RNF144A: variants seen among roughly 807,000 people sequenced by gnomAD.
RNF144A encodes ring finger protein 144A, also known as E3 ubiquitin-protein ligase RNF144A.
RNF144A carries 11 observed loss-of-function variants against 38.7 expected under a neutral mutation model. The observed-to-expected ratio is 0.28, with a 90% CI of 0.18 to 0.47. RNF144A has a LOEUF of 0.47. RNF144A is among the 20% of genes least tolerant of loss of function. The pLI is 0.99. For synonymous variants in RNF144A, 149 were observed against 143.9 expected (o/e 1.04, Z -0.25); for missense variants, 316 against 377.2 (o/e 0.84, Z 1.34).
At position 6,943,334 on chromosome 2, in the gene RNF144A, C is replaced by T. The variant is rs1053440392; in HGVS notation, c.-12+2187C>T. Among the ~76,000 whole-genome samples the T allele has an allele frequency of 2.0e-5, 3 of 152,128 alleles. No individual in the cohort carries two copies. The highest frequency in any genetic ancestry group is 6.5e-5 in the Admixed American group (1 of 15,278). On this transcript the variant is annotated intron_variant, in intron 2 of 8. Coordinates refer to ENST00000320892, the MANE Select transcript of RNF144A (RefSeq NM_014746.6). The surrounding 1 kb of genome is among the most constrained non-coding windows in gnomAD (Gnocchi z 4.3). ...ATGGAGAGGACTGAGAATGGAGGCT[C>T]GGATCAGTGCCAGGACCAGTGGTCC...
intron 6 of RNF144A, among the ~76,000 whole-genome samples, chr2:7,059,953 A>G (rs1673888684): frequency 6.6e-6 from 1 of 152,252 alleles, no homozygotes; most frequent in Non-Finnish European, 1.5e-5. Flanking sequence ...CTGAACCCAC[A>G]TAAGGGCTTG....
At chr2:6,918,094 G>C (rs1373460087) in intron 1 of RNF144A, among the ~76,000 whole-genome samples, 1 of 152,112 alleles carries the variant, frequency 6.6e-6, no homozygotes, top group African/African-American at 2.4e-5. Flanking sequence ...CCCAAGAGGA[G>C]GTCTGGGAAA....
intron 6 of RNF144A, among the ~76,000 whole-genome samples, chr2:7,057,534 T>C (rs1199044028): frequency 6.6e-6 from 1 of 152,222 alleles, no homozygotes; most frequent in Non-Finnish European, 1.5e-5. Flanking sequence ...CTTCTCTGAT[T>C]CTCAAGTTTT....
At chr2:7,049,172 C>T (rs376572159), downstream of RNF144A, among the ~76,000 whole-genome samples, 5 of 152,012 alleles carry the variant, frequency 3.3e-5, no homozygotes, top group South Asian at 2.1e-4. Flanking sequence ...TAGTTTTCAG[C>T]GGGGGCTGTT....
At chr2:7,030,556 C>T (rs969435940) in intron 8 of RNF144A, among the ~76,000 whole-genome samples, 2 of 152,012 alleles carry the variant, frequency 1.3e-5, no homozygotes, top group African/African-American at 4.8e-5. Flanking sequence ...TAATCCTTGC[C>T]TAGCCCTTAA....
At chr2:7,033,357 C>T (rs1013003744) in intron 8 of RNF144A, among the ~76,000 whole-genome samples, 35 of 152,350 alleles carry the variant, frequency 2.3e-4, no homozygotes, top group Admixed American at 2.0e-3. Flanking sequence ...TCAGCTGGGG[C>T]TGGCAGTCAG....
At position 7,017,295 on chromosome 2, in the gene RNF144A, G is replaced by A. The variant is rs993020275; in HGVS notation, c.301+2523G>A. On this transcript the variant is annotated intron_variant, in intron 5 of 8. Transcript: ENST00000320892. Reference sequence around the variant, plus strand: ...TGAATGCTGATGTCAGATGTCAACCGTGTATTGTTTTTTTTTTTGTTCTTT... The same window carrying A: ...TGAATGCTGATGTCAGATGTCAACCATGTATTGTTTTTTTTTTTGTTCTTT... 9.6e-5 allele frequency among the ~76,000 whole-genome samples: 13 copies of A among 135,492 alleles called. 1 individual carries two copies. In the East Asian group the frequency reaches 2.2e-3, roughly 23 times the overall value. 88.9% of individuals were successfully genotyped at this position (135,492 alleles called of 152,430 possible). A position where few individuals can be genotyped will look rare whatever the true frequency, so the allele number is the denominator to read the frequency against.
At chr2:6,967,324 GT>G (rs1667730519) in intron 2 of RNF144A, among the ~76,000 whole-genome samples, 1 of 152,108 alleles carries the variant, frequency 6.6e-6, no homozygotes, top group Admixed American at 6.5e-5. Context: ...TACAGAAGAC[GT>G]AGTTCGTTTG....
chr2:6,957,283 C>T lies in RNF144A; in HGVS notation c.-12+16136C>T, dbSNP rs534621751. On this transcript the variant is annotated intron_variant, in intron 2 of 8. Transcript: ENST00000320892. ...CGCTACATGTGGGCTCTGAGCTCAGCGTAGAGGGCCTGGCATCTGCTCCGG... is the reference window on the plus strand; with the variant it reads ...CGCTACATGTGGGCTCTGAGCTCAGTGTAGAGGGCCTGGCATCTGCTCCGG... 1.9e-3 allele frequency among the ~76,000 whole-genome samples: 291 copies of T among 152,288 alleles called. 1 individual carries two copies. Among genetic ancestry groups the T allele is most frequent in the African/African-American group, 6.6e-3 (276 of 41,566 alleles).
chr2:7,053,214 C>T (rs1016008161), intron 6 of RNF144A, among the ~76,000 whole-genome samples: 17 of 152,172 alleles, frequency 1.1e-4, no homozygotes, highest in Non-Finnish European at 1.8e-4. Context: ...ATGAGCATTG[C>T]CTGAGAATTA....
chr2:7,003,797 T>C (rs1378225971), intron 3 of RNF144A, among the ~76,000 whole-genome samples: 2 of 152,248 alleles, frequency 1.3e-5, no homozygotes, highest in Non-Finnish European at 2.9e-5. Context: ...GTGGCCACTC[T>C]GGGCCTTCCT....
chr2:7,070,560 G>C (rs62107977), downstream of RNF144A, among the ~76,000 whole-genome samples: 41 of 152,136 alleles, frequency 2.7e-4, no homozygotes, highest in Non-Finnish European at 5.3e-4. Context: ...ACCTTATTTG[G>C]AAATAGAGAG....
chr2:6,996,713 A>T (rs571293539), intron 2 of RNF144A: 11 of 562,998 alleles, frequency 2.0e-5, no homozygotes, highest in Non-Finnish European at 3.5e-5. Flanking sequence ...AGATTGCACC[A>T]CTGTACTCCA....
At chr2:7,068,498 G>A (rs1674326555), downstream of RNF144A, among the ~76,000 whole-genome samples, 1 of 152,230 alleles carries the variant, frequency 6.6e-6, no homozygotes, top group African/African-American at 2.4e-5. Context: ...GAAGCAGAAA[G>A]AGAGGGTGAT....
In RNF144A at chr2:6,989,525, C is replaced by T. The variant is rs1459486132; in HGVS notation, c.-11-7391C>T. Among the ~76,000 whole-genome samples, 7 of 152,188 alleles carry T rather than the reference C, an allele frequency of 4.6e-5. No homozygotes were observed. The East Asian group carries it at 1.3e-3, about 29-fold the overall frequency. ...TTCTGGTCAGCACCTTTCCCCCACCCGCTTTTAATACAGGTGGAACCTTTG... is the reference window on the plus strand; with the variant it reads ...TTCTGGTCAGCACCTTTCCCCCACCTGCTTTTAATACAGGTGGAACCTTTG... On this transcript the variant is annotated intron_variant, in intron 2 of 8. Transcript: ENST00000320892.
downstream of RNF144A, chr2:7,068,422 A>T (rs1424361866): frequency 2.5e-6 from 1 of 407,404 alleles, no homozygotes; most frequent in Non-Finnish European, 4.7e-6. Context: ...AAGAATCAAG[A>T]GTGGGTTGAG....
intron 2 of RNF144A, among the ~76,000 whole-genome samples, chr2:6,992,504 G>C (rs190673097): frequency 2.0e-5 from 3 of 152,276 alleles, no homozygotes; most frequent in Non-Finnish European, 2.9e-5. Flanking sequence ...TGTGGAGAAC[G>C]GGTAAGGAAG....
intron 2 of RNF144A, among the ~76,000 whole-genome samples, chr2:6,946,861 GA>G (rs1312620542): frequency 4.6e-5 from 7 of 152,102 alleles, no homozygotes; most frequent in Non-Finnish European, 8.8e-5. Context: ...AACTGGACTT[GA>G]ATGACTAATG....
At chr2:6,989,862 A>G (rs1428904807) in intron 2 of RNF144A, among the ~76,000 whole-genome samples, 1 of 151,928 alleles carries the variant, frequency 6.6e-6, no homozygotes, top group Non-Finnish European at 1.5e-5. Flanking sequence ...TACAGTAGAT[A>G]CCCTTTTCTT....
Sources: gnomAD v4.1 joint callset for allele counts (sites outside exome capture counted in the v4.1 genomes callset) on GRCh38, gnomAD v4.1.1 for gene constraint, Gnocchi (gnomAD v3.1) non-coding constraint, MANE v1.5 for transcripts, NCBI Gene and HGNC (gene_info 2026-07-23, HGNC 2026-07-21) for gene names.